The following ALG5 variants were observed in gnomAD, a reference collection of about 807,000 sequenced individuals.
The protein encoded by ALG5 is dolichyl-phosphate beta-glucosyltransferase.
ALG5 carries 26 observed loss-of-function variants against 51.8 expected under a neutral mutation model. That is an observed-to-expected ratio of 0.50 (90% confidence interval 0.37 to 0.70). The LOEUF is 0.70. Among genes scored for constraint, ALG5 ranks in the 30% least tolerant of loss-of-function variants. ALG5 has a pLI of 0.00. For synonymous variants in ALG5, 141 were observed against 136.1 expected, an observed-to-expected ratio of 1.04 and a Z score of -0.25; for missense variants, 311 against 399.3, an observed-to-expected ratio of 0.78 and a Z score of 1.88.
intron 3 of ALG5, 125 bp downstream of exon 3, chr13:36,994,864 A>C (rs1374290262): frequency 1.3e-6 from 1 of 748,746 alleles, no homozygotes; most frequent in Non-Finnish European, 2.3e-6. Flanking sequence ...AGCAAGCAGC[A>C]GGTGGCCCAG....
intron 4 of ALG5, 116 bp from the exon 5 acceptor site, chr13:36,989,692 T>G: frequency 1.3e-6 from 1 of 743,552 alleles, no homozygotes; most frequent in South Asian, 1.8e-5. Context: ...TTCTTGTGAC[T>G]AGGTTACACC....
intron 6 of ALG5, among the ~76,000 whole-genome samples, chr13:36,979,652 C>T (rs551722336): frequency 6.6e-6 from 1 of 152,280 alleles, no homozygotes; most frequent in East Asian, 1.9e-4. Context: ...TCCTATGGTT[C>T]TTCTTAATGT....
intron 6 of ALG5, among the ~76,000 whole-genome samples, chr13:36,984,441 T>C (rs887558878): frequency 6.6e-6 from 1 of 152,188 alleles, no homozygotes; most frequent in Non-Finnish European, 1.5e-5. Flanking sequence ...CATCTTACCT[T>C]TGAAGACCTG....
At chr13:36,989,906 G>A (rs902956588) in intron 4 of ALG5, among the ~76,000 whole-genome samples, 4 of 152,134 alleles carry the variant, frequency 2.6e-5, no homozygotes, top group Non-Finnish European at 4.4e-5. Context: ...CCCCACAAAA[G>A]CCATGTGCTA....
intron 4 of ALG5, 32 bp downstream of exon 4, chr13:36,993,572 C>G (rs1271338501): frequency 1.3e-6 from 2 of 1,572,706 alleles, no homozygotes; most frequent in Non-Finnish European, 1.7e-6. Flanking sequence ...TATTTTCTAA[C>G]TATTGTCAAT....
intron 8 of ALG5, among the ~76,000 whole-genome samples, chr13:36,954,416 C>A (rs1365442701): frequency 6.6e-6 from 1 of 152,062 alleles, no homozygotes; most frequent in African/African-American, 2.4e-5. Flanking sequence ...GTCTTGAACT[C>A]CTGGGCTTAA....
chr13:36,985,776 T>A, intron 5 of ALG5, 36 bp from the exon 6 acceptor site: 1 of 1,434,178 alleles, frequency 7.0e-7, no homozygotes, highest in Non-Finnish European at 9.7e-7. Context: ...GAAAATTGGT[T>A]AAAACTCAGG....
At chr13:36,999,082 C>A (rs112532619) in intron 1 of ALG5, 153 bp downstream of exon 1, 5,521 of 535,612 alleles carry the variant, frequency 0.01, 75 homozygotes, top group African/African-American at 0.057. Flanking sequence ...GAGTGAAACT[C>A]CAGGAAACTC....
chr13:36,987,621 T>C (rs1329853964), intron 5 of ALG5, among the ~76,000 whole-genome samples: 1 of 152,222 alleles, frequency 6.6e-6, no homozygotes, highest in Non-Finnish European at 1.5e-5. Context: ...GCTGGCACCA[T>C]GCTCCGTGTA....
chr13:36,952,659 C>T lies in ALG5; in HGVS notation c.774-60G>A, dbSNP rs1041846630. ...AGACAAATAGAACACAACTACATCT[C>T]TACCTTGGCATGTTTTAAAGAAGCT... On this transcript the variant is annotated intron_variant, in intron 8 of 9. Transcript: ENST00000239891. 11 of 1,006,086 alleles carry T rather than the reference C, an allele frequency of 1.1e-5. No individual in the cohort carries two copies. The African/African-American group carries it at 1.9e-4, about 17-fold the overall frequency. 62.3% of individuals were successfully genotyped at this position (1,006,086 alleles called of 1,614,324 possible). A position where few individuals can be genotyped will look rare whatever the true frequency, so the allele number is the denominator to read the frequency against.
At chr13:36,970,103 G>A (rs1018924974) in intron 7 of ALG5, among the ~76,000 whole-genome samples, 1 of 150,438 alleles carries the variant, frequency 6.6e-6, no homozygotes, top group Non-Finnish European at 1.5e-5. Context: ...TATATAAAAT[G>A]TGCTGAAGAT....
At chr13:36,950,523 G>T (rs779782962) in intron 9 of ALG5, among the ~76,000 whole-genome samples, 1 of 151,882 alleles carries the variant, frequency 6.6e-6, no homozygotes, top group Non-Finnish European at 1.5e-5. Context: ...TCTTTGTCTC[G>T]GGCTACACAA....
At chr13:36,985,161 A>T (rs1322948472) in intron 6 of ALG5, among the ~76,000 whole-genome samples, 1 of 151,774 alleles carries the variant, frequency 6.6e-6, no homozygotes, top group Non-Finnish European at 1.5e-5. Flanking sequence ...GAATGGTACT[A>T]GGATTTTATT....
intron 9 of ALG5, 146 bp downstream of exon 9, chr13:36,952,368 C>A: frequency 1.6e-6 from 1 of 620,078 alleles, no homozygotes; most frequent in Non-Finnish European, 2.8e-6. Context: ...TTAGTAGGTA[C>A]TATTCTCCTT....
At chr13:36,955,078 A>G (rs1464271132) in intron 8 of ALG5, among the ~76,000 whole-genome samples, 3 of 152,180 alleles carry the variant, frequency 2.0e-5, no homozygotes, top group South Asian at 2.1e-4. Flanking sequence ...AGTAGGACTC[A>G]CTGAACATCT....
chr13:36,971,561 T>C (rs1490069250), intron 7 of ALG5, among the ~76,000 whole-genome samples: 4 of 148,460 alleles, frequency 2.7e-5, no homozygotes, highest in African/African-American at 1.0e-4. Flanking sequence ...GCAGGAGAAC[T>C]GCTTGAACCC....
At chr13:36,973,971 C>A (rs973940618) in intron 6 of ALG5, among the ~76,000 whole-genome samples, 4 of 152,198 alleles carry the variant, frequency 2.6e-5, no homozygotes, top group Non-Finnish European at 5.9e-5. Flanking sequence ...CCCAGCAATT[C>A]CAACAATTCT....
At chr13:36,984,527 G>A (rs1039134968) in intron 6 of ALG5, among the ~76,000 whole-genome samples, 1 of 46,824 alleles carries the variant, frequency 2.1e-5, no homozygotes, top group Non-Finnish European at 6.2e-5. Flanking sequence ...CTTTTCCTTG[G>A]ATTACACTGT....
intron 6 of ALG5, among the ~76,000 whole-genome samples, chr13:36,974,486 CT>C (rs1210578153): frequency 7.9e-5 from 12 of 152,040 alleles, no homozygotes; most frequent in African/African-American, 9.7e-5. Context: ...TCTTTGTATT[CT>C]TTTTTTCTCT....
Sources: allele counts gnomAD v4.1 joint callset (sites outside exome capture counted in the v4.1 genomes callset), GRCh38; gene constraint gnomAD v4.1.1; transcripts MANE v1.5; gene names NCBI Gene and HGNC (gene_info 2026-07-23, HGNC 2026-07-21).